XKR4: variants seen among roughly 807,000 people sequenced by gnomAD.
The protein encoded by XKR4 is XK-related protein 4.
XKR4 carries 12 observed loss-of-function variants against 53.9 expected under a neutral mutation model. That is an observed-to-expected ratio of 0.22 (90% confidence interval 0.14 to 0.36). The LOEUF (loss-of-function observed/expected upper bound fraction) is 0.36. XKR4 is among the 10% of genes least tolerant of loss of function. XKR4 has a pLI of 1.00. For missense variants in XKR4, 799 were observed against 859.5 expected (o/e 0.93, Z 0.88); for synonymous variants, 354 against 362.4 (o/e 0.98, Z 0.26).
intron 1 of XKR4, among the ~76,000 whole-genome samples, chr8:55,345,146 G>A (rs916706220): frequency 6.6e-6 from 1 of 151,916 alleles, no homozygotes; most frequent in African/African-American, 2.4e-5. Context: ...GCTGGGTGTG[G>A]TGGTGCACAC....
chr8:55,204,125 C>A (rs191832551), intron 1 of XKR4, among the ~76,000 whole-genome samples: 6 of 151,792 alleles, frequency 4.0e-5, no homozygotes, highest in Non-Finnish European at 5.9e-5. Context: ...GCCCTCCCAC[C>A]GCAGTCTCTG....
Position 55,385,431 on chromosome 8 carries a change from C to T in XKR4, c.1006+27554C>T, listed in dbSNP as rs117040670. ...TTCTGTGAAGCTGTCTCTGAGCCTCCGCACATACCTTACTCTTCCCTTCCC... is the reference window on the plus strand; with the variant it reads ...TTCTGTGAAGCTGTCTCTGAGCCTCTGCACATACCTTACTCTTCCCTTCCC... On this transcript the variant is annotated intron_variant, in intron 2 of 2. Transcript: ENST00000327381. 3.6e-3 allele frequency among the ~76,000 whole-genome samples: 555 copies of T among 152,282 alleles called. 2 individuals are homozygous for T. Among genetic ancestry groups the T allele is most frequent in the South Asian group, 0.022 (104 of 4,822 alleles).
intron 1 of XKR4, among the ~76,000 whole-genome samples, chr8:55,274,124 T>G (rs1244708099): frequency 6.6e-6 from 1 of 152,208 alleles, no homozygotes; most frequent in Non-Finnish European, 1.5e-5. Flanking sequence ...TAAAGATGAT[T>G]ACCAAAATCA....
At chr8:55,496,537 G>A (rs934977191) in intron 2 of XKR4, among the ~76,000 whole-genome samples, 4 of 152,186 alleles carry the variant, frequency 2.6e-5, no homozygotes, top group Admixed American at 6.5e-5. Flanking sequence ...TTTTAAGATT[G>A]CACAGTGCTT....
chr8:55,244,965 G>A (rs983798956), intron 1 of XKR4, among the ~76,000 whole-genome samples: 8 of 147,462 alleles, frequency 5.4e-5, no homozygotes, highest in Non-Finnish European at 1.0e-4. Flanking sequence ...GTAATAGCGC[G>A]ATCTTGGCTC....
intron 2 of XKR4, among the ~76,000 whole-genome samples, chr8:55,363,156 A>C (rs1803927675): frequency 6.6e-6 from 1 of 152,136 alleles, no homozygotes; most frequent in African/African-American, 2.4e-5. Flanking sequence ...CTACCTTATC[A>C]CTAATGGAAA....
At chr8:55,251,586 T>A (rs1585967779) in intron 1 of XKR4, among the ~76,000 whole-genome samples, 1 of 152,208 alleles carries the variant, frequency 6.6e-6, no homozygotes, top group African/African-American at 2.4e-5. Flanking sequence ...CTATGAAAGA[T>A]TTGGAAGCTT....
chr8:55,452,471 C>T (rs934415723), intron 2 of XKR4: 8 of 631,322 alleles, frequency 1.3e-5, no homozygotes, highest in African/African-American at 9.0e-5. Context: ...CACGCCCATC[C>T]GGTGGCAGGT....
At chr8:55,351,763 T>C (rs1329609682) in intron 1 of XKR4, among the ~76,000 whole-genome samples, 1 of 152,244 alleles carries the variant, frequency 6.6e-6, no homozygotes, top group Non-Finnish European at 1.5e-5. Flanking sequence ...ATTATTGCAC[T>C]AGTCTTCCGG....
At chr8:55,385,217 G>A (rs562769200) in intron 2 of XKR4, among the ~76,000 whole-genome samples, 55 of 152,010 alleles carry the variant, frequency 3.6e-4, no homozygotes, top group African/African-American at 1.3e-3. Flanking sequence ...CCTACTCTCC[G>A]CCTCATCTTT....
At chr8:55,358,831 A>G (rs569159871) in intron 2 of XKR4, among the ~76,000 whole-genome samples, 145 of 152,260 alleles carry the variant, frequency 9.5e-4, no homozygotes, top group Non-Finnish European at 1.8e-3. Context: ...TCATGCTCCA[A>G]TTTGAGTTTT....
intron 2 of XKR4, among the ~76,000 whole-genome samples, chr8:55,418,692 T>G (rs111291771): frequency 0.018 from 2,703 of 152,268 alleles, 28 homozygotes; most frequent in Middle Eastern, 0.037. Context: ...TCGTCCCAGA[T>G]CTTCTCGGAC....
intron 2 of XKR4, among the ~76,000 whole-genome samples, chr8:55,503,020 G>A (rs1315913966): frequency 3.3e-5 from 5 of 152,062 alleles, no homozygotes. Flanking sequence ...CTATGTGGGG[G>A]TATATTTCTG....
intron 1 of XKR4, among the ~76,000 whole-genome samples, chr8:55,151,927 A>G (rs1416552136): frequency 6.6e-6 from 1 of 152,208 alleles, no homozygotes; most frequent in Non-Finnish European, 1.5e-5. Flanking sequence ...AATACAATGA[A>G]GAATCTTGCA....
rs550939677 is a variant in XKR4 at position 55,195,577 on chromosome 8, G to C, written c.806+92283G>C. On this transcript the variant is annotated intron_variant, in intron 1 of 2. Transcript: ENST00000327381. ...AAAAATATCTAGTTTTTTAAAAACC[G>C]TTTACATATTTTTAAAATGAACAAT... Among the ~76,000 whole-genome samples the C allele has an allele frequency of 2.0e-5, 3 of 152,012 alleles. No individual in the cohort carries two copies. In the South Asian group the frequency reaches 6.2e-4, roughly 32 times the overall value.
rs558977278 is a variant in XKR4, at chr8:55,410,178, C to G, written c.1006+52301C>G. The stretch of plus-strand genomic sequence containing the variant: ...TCCTCCCATTTCTTGACTCACCCCC[C>G]TTCTGGCTGCATCTCTCAGACAACA... On this transcript the variant is annotated intron_variant, in intron 2 of 2. Coordinates refer to ENST00000327381, the MANE Select transcript of XKR4 (RefSeq NM_052898.2). Among the ~76,000 whole-genome samples, 11 of 152,274 alleles carry G rather than the reference C, an allele frequency of 7.2e-5. No homozygotes were observed. The South Asian group carries it at 2.3e-3, about 32-fold the overall frequency.
intron 1 of XKR4, among the ~76,000 whole-genome samples, chr8:55,186,720 C>T (rs1432942193): frequency 6.6e-6 from 1 of 152,078 alleles, no homozygotes; most frequent in Non-Finnish European, 1.5e-5. Flanking sequence ...ACATAATCAA[C>T]TGTGTATTCT....
Position 55,523,459 on chromosome 8 carries a change from G to T in XKR4, c.1185G>T (p.Ser395=). ...TCATCACGTTTGCCCTCTTTGCCTC[G>T]GTTTTCCAGCTGTACTTTGGGATCT... ...ARVITFALFA[S]VFQLYFGIFI... Residue 395 remains serine (S), a synonymous_variant, in exon 3 of 3, where the codon TCG becomes TCT. Coordinates refer to ENST00000327381, the MANE Select transcript of XKR4 (RefSeq NM_052898.2). The T allele has an allele frequency of 1.2e-6, 2 of 1,614,188 alleles. No homozygotes were observed. Among genetic ancestry groups the T allele is most frequent in the South Asian group, 2.2e-5 (2 of 91,076 alleles).
At chr8:55,486,936 C>T (rs1806200648) in intron 2 of XKR4, among the ~76,000 whole-genome samples, 1 of 152,146 alleles carries the variant, frequency 6.6e-6, no homozygotes, top group Admixed American at 6.5e-5. Flanking sequence ...TTCCCCAATA[C>T]CAAATTTGTA....
Sources: gnomAD v4.1 joint callset for allele counts (sites outside exome capture counted in the v4.1 genomes callset) on GRCh38, gnomAD v4.1.1 for gene constraint, MANE v1.5 for transcripts, NCBI Gene and HGNC (gene_info 2026-07-23, HGNC 2026-07-21) for gene names.